Variants in DMD observed in about 807,000 individuals in gnomAD.
The protein encoded by DMD is dystrophin.
DMD carries 63 observed loss-of-function variants against 330.1 expected under a neutral mutation model. The ratio of observed to expected loss-of-function variants is 0.19; its 90% CI spans 0.16 to 0.24. The LOEUF (loss-of-function observed/expected upper bound fraction) is 0.24. Ranked by LOEUF, DMD falls within the 10% of genes least tolerant of loss-of-function variation. The pLI, the probability that DMD is intolerant of heterozygous loss-of-function variation, is 1.00. For missense variants in DMD, 3,344 were observed against 2,684.1 expected, an observed-to-expected ratio of 1.25 and a Z score of -5.43; for synonymous variants, 1,223 against 959.8, an observed-to-expected ratio of 1.27 and a Z score of -5.07.
Position 32,686,559 on chromosome X carries a change from CAAAAAAAAAAAAAAAAA to C in DMD, c.960+11294_960+11310del, listed in dbSNP as rs750534167. 2.4e-3 allele frequency among the ~76,000 whole-genome samples: 69 copies of C among 28,581 alleles called. 1 individual carries two copies. The highest frequency in any genetic ancestry group is 8.0e-3 in the African/African-American group (60 of 7,473). 24.8% of individuals were successfully genotyped at this position (28,581 alleles called of 115,157 possible). The stretch of plus-strand genomic sequence containing the variant: ...GGGCAACAGAGCAAAAACTCCATCT[CAAAAAAAAAAAAAAAAA>C]AAAAAAGAAAAGAAAAGAAAAGAAA... On this transcript the variant is annotated intron_variant, in intron 9 of 78. Coordinates refer to ENST00000357033, the MANE Select transcript of DMD (RefSeq NM_004006.3).
At chrX:32,683,156 G>T (rs1006531732) in intron 9 of DMD, among the ~76,000 whole-genome samples, 2 of 111,162 alleles carry the variant, frequency 1.8e-5, no homozygotes, top group African/African-American at 3.3e-5. Flanking sequence ...CCACAATTGG[G>T]TTATCATGGT....
chrX:31,986,579 A>AT (rs925260482), intron 44 of DMD, among the ~76,000 whole-genome samples: 3 of 110,798 alleles, frequency 2.7e-5, no homozygotes, highest in Non-Finnish European at 5.7e-5. Flanking sequence ...TGCTCAGCTA[A>AT]TTTTTGTATT....
At chrX:32,839,387 CTT>C (rs967640957) in intron 4 of DMD, among the ~76,000 whole-genome samples, 1 of 111,927 alleles carries the variant, frequency 8.9e-6, no homozygotes, top group Non-Finnish European at 1.9e-5. Flanking sequence ...CTATGTATCT[CTT>C]TTTTATTCAC....
intron 12 of DMD, among the ~76,000 whole-genome samples, chrX:32,610,004 A>G (rs868557894): frequency 1.8e-5 from 2 of 111,120 alleles, no homozygotes; most frequent in Non-Finnish European, 3.8e-5. Flanking sequence ...TGCCTCCAAA[A>G]TGGCAAACTT....
At chrX:32,785,897 G>GT (rs1278023131) in intron 7 of DMD, among the ~76,000 whole-genome samples, 24 of 110,889 alleles carry the variant, frequency 2.2e-4, no homozygotes, top group African/African-American at 7.2e-4. Context: ...ACTTCACCAG[G>GT]TTTTTTCCAA....
rs746363732 is a variant in DMD at position 32,611,170 on chromosome X, A to G, written c.1482+3133T>C. On this transcript the variant is annotated intron_variant, in intron 12 of 78. Transcript: ENST00000357033. ...AAACAAAAGAGCATTATCAATATTC[A>G]GGACTTGAATATGAATCTTTCCCTT... Among the ~76,000 whole-genome samples, 5 of 106,683 alleles carry G rather than the reference A, an allele frequency of 4.7e-5. 1 individual carries two copies. The South Asian group carries it at 2.1e-3, about 44-fold the overall frequency. 92.6% of individuals were successfully genotyped at this position (106,683 alleles called of 115,157 possible).
chrX:32,447,009 A>T (rs1187615539), intron 27 of DMD, among the ~76,000 whole-genome samples: 1 of 110,839 alleles, frequency 9.0e-6, no homozygotes, highest in East Asian at 2.8e-4. Flanking sequence ...CCCTTCGGAA[A>T]ATGTACTCCA....
At chrX:32,396,448 T>C (rs1213298527) in intron 30 of DMD, among the ~76,000 whole-genome samples, 1 of 111,476 alleles carries the variant, frequency 9.0e-6, no homozygotes, top group Non-Finnish European at 1.9e-5. Flanking sequence ...AAAATTTTCT[T>C]TATGCATTGA....
intron 62 of DMD, among the ~76,000 whole-genome samples, chrX:31,305,069 C>T (rs12011393): frequency 0.043 from 4,832 of 111,574 alleles, 276 homozygotes; most frequent in African/African-American, 0.15. Flanking sequence ...TATTGGAGCA[C>T]AGAAGCTCTT....
intron 43 of DMD, among the ~76,000 whole-genome samples, chrX:32,249,809 C>A (rs961744364): frequency 9.0e-6 from 1 of 111,355 alleles, no homozygotes; most frequent in Non-Finnish European, 1.9e-5. Context: ...ATCGAACACT[C>A]AAGGAGACCT....
chrX:32,102,024 A>C (rs1390570475), intron 44 of DMD: 1 of 111,687 alleles, frequency 9.0e-6, no homozygotes, highest in Non-Finnish European at 1.9e-5. Context: ...GCACTGCCTC[A>C]GGGCTCTGCT....
intron 63 of DMD, among the ~76,000 whole-genome samples, chrX:31,226,680 T>C (rs1357590358): frequency 1.8e-5 from 2 of 111,196 alleles, no homozygotes; most frequent in African/African-American, 6.6e-5. Flanking sequence ...ATGGTATGAA[T>C]TGTCTTGCGG....
rs576237149 is a variant in DMD, at chrX:33,160,008, A to G, written c.31+51274T>C. Among the ~76,000 whole-genome samples, 732 of 112,046 alleles carry G rather than the reference A, an allele frequency of 6.5e-3. 5 individuals are homozygous for G. Among genetic ancestry groups the G allele is most frequent in the African/African-American group, 0.022 (681 of 30,872 alleles). On this transcript the variant is annotated intron_variant, in intron 1 of 78. Transcript: ENST00000357033. ...ACTTTGCAATGGTATGAAATAGTGC[A>G]CATTCAGTAGAAACCACACTTCAAG...
chrX:31,325,446 C>CAAAAA (rs386416849), intron 61 of DMD, among the ~76,000 whole-genome samples: 5 of 51,039 alleles, frequency 9.8e-5, no homozygotes, highest in Non-Finnish European at 1.1e-4. Context: ...CTAAAAATAC[C>CAAAAA]AAAAAAAAAA....
chrX:32,813,024 T>C (rs1266900197), intron 6 of DMD, among the ~76,000 whole-genome samples: 6 of 110,834 alleles, frequency 5.4e-5, no homozygotes, highest in African/African-American at 1.6e-4. Flanking sequence ...GAGCATTGCT[T>C]ATGCATTCGT....
At chrX:32,991,640 T>C (rs916363946) in intron 2 of DMD, among the ~76,000 whole-genome samples, 1 of 107,027 alleles carries the variant, frequency 9.3e-6, no homozygotes, top group Admixed American at 9.7e-5. Context: ...ACATGTATAC[T>C]TTTTTTATTG....
chrX:32,527,383 T>C (rs1168696733), intron 17 of DMD, among the ~76,000 whole-genome samples: 1 of 111,684 alleles, frequency 9.0e-6, no homozygotes, highest in Non-Finnish European at 1.9e-5. Flanking sequence ...AGAAGACATT[T>C]TAATTCCATA....
rs1199284911 is a variant in DMD at position 31,228,282 on chromosome X, A to T, written c.9287-5161T>A. ...AAAAAAAAAATAAAAAAATAAAAAA[A>T]AAAAAAAAAGAAAGTAGCAGGGCAA... is the stretch of plus-strand genomic sequence containing the variant. On this transcript the variant is annotated intron_variant, in intron 63 of 78. Transcript: ENST00000357033. Among the ~76,000 whole-genome samples, 20 of 109,838 alleles carry T rather than the reference A, an allele frequency of 1.8e-4. No homozygotes were observed. The East Asian group carries it at 5.6e-3, about 31-fold the overall frequency.
chrX:32,342,001 T>C (rs1270790651), intron 41 of DMD, 99 bp downstream of exon 41: 1 of 898,216 alleles, frequency 1.1e-6, no homozygotes, highest in African/African-American at 2.1e-5. Flanking sequence ...AGTTTAAAAC[T>C]GTACCCAGAT....
Sources: allele counts gnomAD v4.1 joint callset (sites outside exome capture counted in the v4.1 genomes callset), GRCh38; gene constraint gnomAD v4.1.1; transcripts MANE v1.5; gene names NCBI Gene and HGNC (gene_info 2026-07-23, HGNC 2026-07-21).